Variants in NRXN3 observed in about 807,000 individuals in gnomAD.
The protein encoded by NRXN3 is neurexin III.
In NRXN3, 32 loss-of-function variants were observed where a neutral mutation model predicts 137.6. That is an observed-to-expected ratio of 0.23 (90% CI 0.18 to 0.31). The LOEUF (loss-of-function observed/expected upper bound fraction) is 0.31, where lower values mean the gene tolerates loss of function less well. Ranked by LOEUF, NRXN3 falls within the 10% of genes least tolerant of loss-of-function variation. The probability of loss-of-function intolerance (pLI) is 1.00; values close to 1 mark genes in which losing one functional copy is unlikely to be tolerated. For missense variants in NRXN3, 1,574 were observed against 2,062.5 expected (o/e 0.76, Z 4.59); for synonymous variants, 798 against 784.5 (o/e 1.02, Z -0.29).
chr14:79,369,777 G>A (rs938880105), intron 15 of NRXN3, among the ~76,000 whole-genome samples: 2 of 152,096 alleles, frequency 1.3e-5, no homozygotes, highest in African/African-American at 2.4e-5. Flanking sequence ...AAATGTAGAC[G>A]CTTGAGCCAG....
chr14:78,727,368 T>C (rs1248731404), intron 8 of NRXN3, among the ~76,000 whole-genome samples: 3 of 152,202 alleles, frequency 2.0e-5, no homozygotes, highest in Non-Finnish European at 4.4e-5. Context: ...ATATGGACTA[T>C]GGGTTTGTGT....
At chr14:78,445,385 G>A (rs901277974) in intron 4 of NRXN3, among the ~76,000 whole-genome samples, 12 of 152,322 alleles carry the variant, frequency 7.9e-5, no homozygotes, top group Middle Eastern at 6.8e-3. Flanking sequence ...AGATATAAGC[G>A]TGTGCTGTTT....
intron 15 of NRXN3, among the ~76,000 whole-genome samples, chr14:79,041,489 G>A (rs1203633249): frequency 6.6e-6 from 1 of 152,190 alleles, no homozygotes. Flanking sequence ...TGGGCCTAGG[G>A]TTAGGGGAGA....
Position 79,029,907 on chromosome 14 carries a change from C to T in NRXN3, c.3262+41766C>T, listed in dbSNP as rs143278807. On this transcript the variant is annotated intron_variant, in intron 15 of 20. Transcript: ENST00000335750. ...TTTCACCCAGGCCTGAGTGCATTGG[C>T]ATGATCTCAGTTCACTGCAACCTCT... Among the ~76,000 whole-genome samples the T allele has an allele frequency of 9.9e-5, 15 of 152,024 alleles. No homozygotes were observed. In the East Asian group the frequency reaches 2.9e-3, roughly 29 times the overall value.
At chr14:79,131,409 A>G (rs1373988802) in intron 15 of NRXN3, among the ~76,000 whole-genome samples, 1 of 152,054 alleles carries the variant, frequency 6.6e-6, no homozygotes, top group Non-Finnish European at 1.5e-5. Context: ...CAGGACCCTC[A>G]GCTGCAGGTC....
intron 6 of NRXN3, among the ~76,000 whole-genome samples, chr14:78,699,433 G>A (rs2098258352): frequency 6.6e-6 from 1 of 152,168 alleles, no homozygotes; most frequent in Admixed American, 6.5e-5. Context: ...ATTTAATTCT[G>A]AAGTTGATAA....
intron 15 of NRXN3, among the ~76,000 whole-genome samples, chr14:79,098,054 TA>T (rs1292616821): frequency 1.3e-5 from 2 of 152,142 alleles, no homozygotes; most frequent in African/African-American, 4.8e-5. Flanking sequence ...TGCCTAAACC[TA>T]CACTGTAAGC....
chr14:78,257,926 A>T (rs2069943739), intron 2 of NRXN3, among the ~76,000 whole-genome samples: 1 of 152,162 alleles, frequency 6.6e-6, no homozygotes, highest in Non-Finnish European at 1.5e-5. Context: ...AGGAGTCTGT[A>T]TTAAGGGGTG....
Position 79,452,473 on chromosome 14 carries a change from G to A in NRXN3, c.3263-14748G>A, listed in dbSNP as rs148948492. Among the ~76,000 whole-genome samples the A allele has an allele frequency of 4.0e-3, 602 of 152,182 alleles. 2 individuals carry two copies. The highest frequency in any genetic ancestry group is 7.2e-3 in the Non-Finnish European group (487 of 67,998). ...CATATTAGAACTAAGATGAGGGCCCGGAAAATGAGTTTTTATAGACTCACA... is the reference window on the plus strand; with the variant it reads ...CATATTAGAACTAAGATGAGGGCCCAGAAAATGAGTTTTTATAGACTCACA... On this transcript the variant is annotated intron_variant, in intron 15 of 20. Transcript: ENST00000335750.
chr14:79,811,293 A>T (rs2140841949), intron 20 of NRXN3, among the ~76,000 whole-genome samples: 1 of 152,230 alleles, frequency 6.6e-6, no homozygotes, highest in East Asian at 1.9e-4. Flanking sequence ...AGCTTTGGAA[A>T]GAGAACTGTA....
intron 20 of NRXN3, among the ~76,000 whole-genome samples, chr14:79,857,182 C>A (rs1398868656): frequency 1.3e-5 from 2 of 151,928 alleles, no homozygotes; most frequent in African/African-American, 4.8e-5. Context: ...TTAAAATAAA[C>A]AAGAAGCTTT....
chr14:79,107,912 T>G (rs1399947267), intron 15 of NRXN3, among the ~76,000 whole-genome samples: 2 of 152,168 alleles, frequency 1.3e-5, no homozygotes, highest in African/African-American at 2.4e-5. Flanking sequence ...AATATATATT[T>G]TATTTTAGTC....
At chr14:79,081,954 T>C (rs1037914090) in intron 15 of NRXN3, among the ~76,000 whole-genome samples, 1 of 152,024 alleles carries the variant, frequency 6.6e-6, no homozygotes, top group African/African-American at 2.4e-5. Flanking sequence ...GTCTCCCAAA[T>C]AATAGATCCA....
intron 4 of NRXN3, among the ~76,000 whole-genome samples, chr14:78,463,743 A>T (rs11851331): frequency 6.8e-6 from 1 of 146,816 alleles, no homozygotes; most frequent in Non-Finnish European, 1.5e-5. Context: ...AGGCCACAGA[A>T]TTCTCTTCCT....
intron 4 of NRXN3, among the ~76,000 whole-genome samples, chr14:78,571,347 T>C (rs2096887608): frequency 6.6e-6 from 1 of 152,108 alleles, no homozygotes; most frequent in South Asian, 2.1e-4. Context: ...AACCTGGCCA[T>C]ATCTAATGAC....
intron 16 of NRXN3, among the ~76,000 whole-genome samples, chr14:79,485,919 C>T (rs1290333319): frequency 2.0e-5 from 3 of 151,968 alleles, no homozygotes; most frequent in East Asian, 3.9e-4. Flanking sequence ...TTGAACGTGT[C>T]CTTTAGAGTA....
chr14:79,361,831 A>C (rs1411659055), intron 15 of NRXN3, among the ~76,000 whole-genome samples: 1 of 152,158 alleles, frequency 6.6e-6, no homozygotes, highest in African/African-American at 2.4e-5. Flanking sequence ...TGGATTGTAG[A>C]TATCAAGAAT....
At chr14:78,861,040 G>A (rs2099070906) in intron 10 of NRXN3, among the ~76,000 whole-genome samples, 1 of 152,036 alleles carries the variant, frequency 6.6e-6, no homozygotes, top group Admixed American at 6.6e-5. Context: ...ATTTTTCTAG[G>A]TGATCGTTAT....
intron 4 of NRXN3, among the ~76,000 whole-genome samples, chr14:78,567,204 G>T (rs1264694357): frequency 1.3e-5 from 2 of 152,234 alleles, no homozygotes. Flanking sequence ...ATAGAATGGG[G>T]ATTCTGAGCA....
Sources: gnomAD v4.1 joint callset for allele counts (sites outside exome capture counted in the v4.1 genomes callset) on GRCh38, gnomAD v4.1.1 for gene constraint, MANE v1.5 for transcripts, NCBI Gene and HGNC (gene_info 2026-07-23, HGNC 2026-07-21) for gene names.